Variants in COX7B2 observed in about 807,000 individuals in gnomAD.
COX7B2 encodes the protein cytochrome c oxidase subunit 7B2.
For missense variants in COX7B2, 109 were observed against 95.9 expected (o/e 1.14, Z -0.57); for synonymous variants, 37 against 32.1 (o/e 1.15, Z -0.51).
At chr4:46,823,413 T>C (rs1296201865) in intron 2 of COX7B2, among the ~76,000 whole-genome samples, 1 of 151,596 alleles carries the variant, frequency 6.6e-6, no homozygotes, top group African/African-American at 2.4e-5. Context: ...ATGAACAAAG[T>C]ACATTTCTAG....
At chr4:46,909,051 A>C (rs1343836614) in intron 1 of COX7B2, 109 bp downstream of exon 1, 6 of 152,398 alleles carry the variant, frequency 3.9e-5, no homozygotes, top group Non-Finnish European at 8.8e-5. Flanking sequence ...TCTCAAAAAA[A>C]AAAAAAAATT....
intron 2 of COX7B2, among the ~76,000 whole-genome samples, chr4:46,810,551 AT>A (rs1362864780): frequency 6.6e-6 from 1 of 152,022 alleles, no homozygotes; most frequent in Non-Finnish European, 1.5e-5. Context: ...CTTTAATCCC[AT>A]TTAAATTTTT....
chr4:46,751,217 G>A (rs978954407), intron 2 of COX7B2, among the ~76,000 whole-genome samples: 1 of 151,756 alleles, frequency 6.6e-6, no homozygotes, highest in African/African-American at 2.4e-5. Context: ...ATTGTTCGTG[G>A]GGAGATATTT....
At chr4:46,762,712 G>A (rs979081709) in intron 2 of COX7B2, among the ~76,000 whole-genome samples, 1 of 147,344 alleles carries the variant, frequency 6.8e-6, no homozygotes, top group Non-Finnish European at 1.5e-5. Context: ...ATTGTCACCT[G>A]GTACTACTCT....
intron 2 of COX7B2, among the ~76,000 whole-genome samples, chr4:46,810,976 C>A (rs1719257470): frequency 6.6e-6 from 1 of 152,128 alleles, no homozygotes; most frequent in Non-Finnish European, 1.5e-5. Context: ...TAATTCCATT[C>A]TCTCCTAAAC....
intron 2 of COX7B2, among the ~76,000 whole-genome samples, chr4:46,807,095 C>T (rs1027387977): frequency 1.1e-4 from 16 of 151,014 alleles, no homozygotes; most frequent in Non-Finnish European, 1.5e-5. Context: ...AAACCTCATA[C>T]TTTTTTTTTA....
chr4:46,754,697 CGTGT>C lies in COX7B2; in HGVS notation c.-49-19460_-49-19457del, dbSNP rs367614632. Among the ~76,000 whole-genome samples the C allele has an allele frequency of 8.8e-4, 65 of 73,780 alleles. 1 individual carries two copies. The highest frequency in any genetic ancestry group is 1.8e-3 in the African/African-American group (33 of 18,580). The allele number at this position is 73,780 out of a possible 152,430, so 48.4% of individuals were successfully genotyped here. ...CTAGAACTTAAAGTACAATAAAATA[CGTGT>C]GTGTGTGTGTGTGTGTGTGTGTGTG... is the stretch of plus-strand genomic sequence containing the variant. On this transcript the variant is annotated intron_variant, in intron 2 of 2. Coordinates refer to ENST00000355591, the MANE Select transcript of COX7B2 (RefSeq NM_130902.3).
At chr4:46,760,984 G>C (rs181018105) in intron 2 of COX7B2, among the ~76,000 whole-genome samples, 6 of 152,226 alleles carry the variant, frequency 3.9e-5, no homozygotes, top group African/African-American at 1.4e-4. Flanking sequence ...CCTTCCTACT[G>C]GACTTCCTGG....
intron 2 of COX7B2, among the ~76,000 whole-genome samples, chr4:46,740,838 C>T (rs1714663020): frequency 6.6e-6 from 1 of 152,068 alleles, no homozygotes; most frequent in East Asian, 1.9e-4. Flanking sequence ...TTCACTTAAC[C>T]TCTGGGTTGA....
In COX7B2 at chr4:46,735,099, G is replaced by A. The variant is rs768732297; in HGVS notation, c.94C>T (p.Pro32Ser). Reference protein sequence around the residue: ...MARHSHVKHSPDFHDKYGNAV... With the variant: ...MARHSHVKHSSDFHDKYGNAV... The stretch of plus-strand genomic sequence containing the variant: ...TTACCATATTTATCATGAAAATCTG[G>A]TGAGTGTTTTACATGGCTATGTCTT... The change falls in exon 3 of 3, where the codon CCA (proline) becomes TCA (serine). Residue 32 changes from proline (P) to serine (S), a missense_variant. By Grantham distance (74) the Pro-to-Ser change is moderately conservative. Coordinates refer to ENST00000355591, the MANE Select transcript of COX7B2 (RefSeq NM_130902.3). The A allele has an allele frequency of 5.0e-6, 8 of 1,613,902 alleles. No individual in the cohort carries two copies. In the Admixed American group the frequency reaches 6.7e-5, roughly 13 times the overall value.
At chr4:46,760,841 A>G (rs1716106340) in intron 2 of COX7B2, among the ~76,000 whole-genome samples, 1 of 152,206 alleles carries the variant, frequency 6.6e-6, no homozygotes, top group South Asian at 2.1e-4. Context: ...GAACAAGAAG[A>G]TAAATCTTAG....
At chr4:46,744,001 A>C (rs753950715) in intron 2 of COX7B2, among the ~76,000 whole-genome samples, 1 of 152,166 alleles carries the variant, frequency 6.6e-6, no homozygotes, top group Non-Finnish European at 1.5e-5. Context: ...CACTCATAAG[A>C]GCAATGAACT....
intron 2 of COX7B2, among the ~76,000 whole-genome samples, chr4:46,804,263 G>C (rs1020196119): frequency 1.3e-5 from 2 of 152,216 alleles, no homozygotes; most frequent in African/African-American, 4.8e-5. Flanking sequence ...GCAGTAGCAA[G>C]ACTTACCGCA....
At chr4:46,822,608 A>G (rs1714381950) in intron 2 of COX7B2, among the ~76,000 whole-genome samples, 1 of 152,160 alleles carries the variant, frequency 6.6e-6, no homozygotes, top group South Asian at 2.1e-4. Context: ...CATTAAATAA[A>G]CTTAAATTCT....
chr4:46,846,753 G>A (rs113379301), intron 1 of COX7B2, among the ~76,000 whole-genome samples: 4 of 152,208 alleles, frequency 2.6e-5, no homozygotes, highest in African/African-American at 9.6e-5. Flanking sequence ...TTTTTACAAA[G>A]TGGAGAGAAA....
chr4:46,762,607 T>C (rs980451346), intron 2 of COX7B2, among the ~76,000 whole-genome samples: 1 of 149,192 alleles, frequency 6.7e-6, no homozygotes, highest in Non-Finnish European at 1.5e-5. Context: ...AACTGTGAGG[T>C]AGAGAGCATA....
At chr4:46,777,649 G>C (rs894551206) in intron 2 of COX7B2, among the ~76,000 whole-genome samples, 1 of 152,108 alleles carries the variant, frequency 6.6e-6, no homozygotes, top group Non-Finnish European at 1.5e-5. Context: ...AAGGTATGTA[G>C]TTATGAAGGC....
intron 1 of COX7B2, among the ~76,000 whole-genome samples, chr4:46,862,304 C>T (rs557835045): frequency 2.0e-5 from 3 of 152,200 alleles, no homozygotes; most frequent in African/African-American, 7.2e-5. Flanking sequence ...AGGTCTCAAT[C>T]TTTGAAGAAA....
At chr4:46,841,528 T>C (rs948500965) in intron 2 of COX7B2, among the ~76,000 whole-genome samples, 17 of 151,898 alleles carry the variant, frequency 1.1e-4, no homozygotes, top group African/African-American at 3.6e-4. Flanking sequence ...GCTATCTTAG[T>C]AAGACATAAT....
Sources: gnomAD v4.1 joint callset for allele counts (sites outside exome capture counted in the v4.1 genomes callset) on GRCh38, gnomAD v4.1.1 for gene constraint, MANE v1.5 for transcripts, NCBI Gene and HGNC (gene_info 2026-07-23, HGNC 2026-07-21) for gene names.